The following CXXC5 variants were observed in gnomAD, a reference collection of about 807,000 sequenced individuals.
The protein encoded by CXXC5 is CXXC finger protein 5, also known as CXXC-type zinc finger protein 5.
CXXC5 carries 2 observed loss-of-function variants against 17.6 expected under a neutral mutation model. The observed-to-expected ratio is 0.11, with a 90% CI of 0.05 to 0.36. The LOEUF is 0.36. Ranked by LOEUF, CXXC5 falls within the 10% of genes least tolerant of loss-of-function variation. The pLI is 1.00. For missense variants in CXXC5, 343 were observed against 458.3 expected, an observed-to-expected ratio of 0.75 and a Z score of 2.30; for synonymous variants, 171 against 193.0, an observed-to-expected ratio of 0.89 and a Z score of 0.94.
Position 139,669,000 on chromosome 5 carries a change from A to T in CXXC5, c.-160-11364A>T, listed in dbSNP as rs1011417074. On this transcript the variant is annotated intron_variant, in intron 1 of 2. Coordinates refer to ENST00000302517, the MANE Select transcript of CXXC5 (RefSeq NM_016463.9). The surrounding 1 kb of genome is among the most constrained non-coding windows in gnomAD (Gnocchi z 4.1). The stretch of plus-strand genomic sequence containing the variant: ...GGGGGGTTGCTGAGGGGGTGGAGGT[A>T]ATGTCTGGACCTAGCAGGGCCTGCC... Among the ~76,000 whole-genome samples the T allele has an allele frequency of 6.6e-6, 1 of 151,952 alleles. No individual in the cohort carries two copies. Among genetic ancestry groups the T allele is most frequent in the African/African-American group, 2.4e-5 (1 of 41,366 alleles).
intron 1 of CXXC5, among the ~76,000 whole-genome samples, chr5:139,653,658 A>C (rs1755328346): frequency 6.6e-6 from 1 of 152,060 alleles, no homozygotes; most frequent in African/African-American, 2.4e-5. Flanking sequence ...TCCCAACCCC[A>C]AGTCTAGTGT....
At chr5:139,660,857 TC>T (rs1212696327) in intron 1 of CXXC5, among the ~76,000 whole-genome samples, 6 of 142,862 alleles carry the variant, frequency 4.2e-5, no homozygotes, top group Non-Finnish European at 9.1e-5. Context: ...AGAAATATCC[TC>T]CCCCCACCCA....
chr5:139,681,716 G>A (rs1757248896), intron 2 of CXXC5, among the ~76,000 whole-genome samples: 1 of 152,218 alleles, frequency 6.6e-6, no homozygotes, highest in Non-Finnish European at 1.5e-5. Context: ...CAGGCCCTGG[G>A]ATTCTGATTC....
rs1282573238 is a variant in CXXC5, at chr5:139,663,854, T to C, written c.-161+15009T>C. Among the ~76,000 whole-genome samples, 3 of 152,290 alleles carry C rather than the reference T, an allele frequency of 2.0e-5. No individual in the cohort carries two copies. The highest frequency in any genetic ancestry group is 1.3e-4 in the Admixed American group (2 of 15,306). ...CCAGGACCTGACGAGGTGGGGGCTG[T>C]CAGCGGCTGCATTTCACTGGCTAGG... On this transcript the variant is annotated intron_variant, in intron 1 of 2. Coordinates refer to ENST00000302517, the MANE Select transcript of CXXC5 (RefSeq NM_016463.9). The surrounding 1 kb of genome is among the most constrained non-coding windows in gnomAD (Gnocchi z 4.2).
At chr5:139,675,067 G>A (rs552380680) in intron 1 of CXXC5, among the ~76,000 whole-genome samples, 12 of 152,128 alleles carry the variant, frequency 7.9e-5, no homozygotes, top group Non-Finnish European at 1.3e-4. Flanking sequence ...CTTGTTTCAC[G>A]CTGGTTCATG....
chr5:139,680,401 C>T lies in CXXC5; in HGVS notation c.-123C>T. ...TCCACCTGGACACCTGACCATGTGC[C>T]TGCCCTGAGCAGCGAGGCCCACCAG... On this transcript the variant is annotated 5_prime_UTR_variant, in exon 2 of 3. Coordinates refer to ENST00000302517, the MANE Select transcript of CXXC5 (RefSeq NM_016463.9). 7.3e-7 allele frequency: 1 copy of T among 1,377,890 alleles called. No individual in the cohort carries two copies. Among genetic ancestry groups the T allele is most frequent in the South Asian group, 1.5e-5 (1 of 66,932 alleles). The allele number at this position is 1,377,890 out of a possible 1,614,324, so 85.4% of individuals were successfully genotyped here.
At position 139,663,859 on chromosome 5, in the gene CXXC5, G is replaced by A. The variant is rs942071591; in HGVS notation, c.-161+15014G>A. Among the ~76,000 whole-genome samples the A allele has an allele frequency of 2.0e-5, 3 of 152,186 alleles. No individual in the cohort carries two copies. Among genetic ancestry groups the A allele is most frequent in the African/African-American group, 7.2e-5 (3 of 41,446 alleles). On this transcript the variant is annotated intron_variant, in intron 1 of 2. Transcript: ENST00000302517. The surrounding 1 kb of genome is among the most constrained non-coding windows in gnomAD (Gnocchi z 4.2). ...ACCTGACGAGGTGGGGGCTGTCAGC[G>A]GCTGCATTTCACTGGCTAGGGGTTG... is the stretch of plus-strand genomic sequence containing the variant.
chr5:139,667,506 G>C (rs1440166005), intron 1 of CXXC5, among the ~76,000 whole-genome samples: 4 of 152,200 alleles, frequency 2.6e-5, no homozygotes, highest in African/African-American at 9.7e-5. Context: ...GCCCTGCAAG[G>C]TCACACAGCC....
intron 1 of CXXC5, among the ~76,000 whole-genome samples, chr5:139,656,144 C>A (rs541181559): frequency 2.0e-5 from 3 of 152,382 alleles, no homozygotes; most frequent in Admixed American, 6.5e-5. Context: ...GCGTAATGTT[C>A]GGGCACTGGG....
intron 1 of CXXC5, among the ~76,000 whole-genome samples, chr5:139,672,398 G>A (rs928369415): frequency 3.3e-5 from 5 of 152,238 alleles, no homozygotes; most frequent in Non-Finnish European, 7.3e-5. Flanking sequence ...GATTACAGGC[G>A]TGAGCCTGTA....
In CXXC5 at chr5:139,681,418, C is replaced by T. The variant is rs1757228655; in HGVS notation, c.895C>T (p.Leu299Phe). The change falls in exon 2 of 3, where the codon CTC (leucine) becomes TTC (phenylalanine). Residue 299 changes from leucine to phenylalanine, a missense_variant. Leu to Phe is a conservative substitution (Grantham distance 22). Coordinates refer to ENST00000302517, the MANE Select transcript of CXXC5 (RefSeq NM_016463.9). ...TTGCAAATTCAGAAAATGTGAGGAA[C>T]TCAAAAAGAAGCCTTCCGCTGCTCT... The part of the protein sequence containing the change: ...QICKFRKCEE[L>F]KKKPSAALEK... The T allele has an allele frequency of 6.3e-7, 1 of 1,585,246 alleles. No individual in the cohort carries two copies. Among genetic ancestry groups the T allele is most frequent in the Non-Finnish European group, 8.6e-7 (1 of 1,162,558 alleles).
intron 1 of CXXC5, among the ~76,000 whole-genome samples, chr5:139,654,455 T>G (rs987424980): frequency 2.0e-5 from 3 of 152,238 alleles, no homozygotes; most frequent in Admixed American, 2.0e-4. Context: ...CATTTTCAGA[T>G]GGACACAGAT....
At chr5:139,654,669 C>T (rs1451707069) in intron 1 of CXXC5, among the ~76,000 whole-genome samples, 1 of 152,242 alleles carries the variant, frequency 6.6e-6, no homozygotes, top group Non-Finnish European at 1.5e-5. Context: ...TTCTCTTCCT[C>T]ATCTGTAAAA....
At position 139,670,334 on chromosome 5, in the gene CXXC5, G is replaced by T. The variant is rs1399716122; in HGVS notation, c.-160-10030G>T. On this transcript the variant is annotated intron_variant, in intron 1 of 2. Transcript: ENST00000302517. The surrounding 1 kb of genome is among the most constrained non-coding windows in gnomAD (Gnocchi z 4.2). Reference sequence around the variant, plus strand: ...GGACCTTGAACAGCAGACAAGACAGGTGTCCCCCTTAGAGCTGGGACAGAT... The same window carrying T: ...GGACCTTGAACAGCAGACAAGACAGTTGTCCCCCTTAGAGCTGGGACAGAT... Among the ~76,000 whole-genome samples the T allele has an allele frequency of 2.0e-5, 3 of 152,210 alleles. No homozygotes were observed.
intron 1 of CXXC5, among the ~76,000 whole-genome samples, chr5:139,662,633 G>A (rs1159594359): frequency 2.0e-5 from 3 of 152,154 alleles, no homozygotes; most frequent in Admixed American, 1.3e-4. Context: ...CCTCCTCCTG[G>A]CCACACAGTT....
At position 139,681,141 on chromosome 5, in the gene CXXC5, C is replaced by T. The variant is rs373699733; in HGVS notation, c.618C>T (p.Ser206=). ...GTGCCGAAGCCCTCAATGGCCAGTC[C>T]GACTTCCCCTACCTGGGCGCTTTCC... The part of the protein sequence containing the change: ...VAGAEALNGQ[S]DFPYLGAFPI... Residue 206 remains serine (S), a synonymous_variant, in exon 2 of 3, where the codon TCC becomes TCT. Coordinates refer to ENST00000302517, the MANE Select transcript of CXXC5 (RefSeq NM_016463.9). 211 of 1,612,748 alleles carry T rather than the reference C, an allele frequency of 1.3e-4. No individual in the cohort carries two copies. Among genetic ancestry groups the T allele is most frequent in the South Asian group, 2.3e-4 (21 of 91,088 alleles).
intron 2 of CXXC5, among the ~76,000 whole-genome samples, chr5:139,682,449 G>A (rs1757294507): frequency 6.6e-6 from 1 of 151,722 alleles, no homozygotes; most frequent in African/African-American, 2.4e-5. Context: ...GGCCGCTTGA[G>A]AAATAGCTCA....
intron 1 of CXXC5, among the ~76,000 whole-genome samples, chr5:139,671,032 C>T (rs1160963472): frequency 1.3e-5 from 2 of 152,200 alleles, no homozygotes; most frequent in African/African-American, 4.8e-5. Flanking sequence ...GGCTTTTGTC[C>T]CCCGAAATAC....
chr5:139,675,516 A>G (rs1263064755), intron 1 of CXXC5: 2 of 152,158 alleles, frequency 1.3e-5, no homozygotes, highest in Non-Finnish European at 2.9e-5. Context: ...CTTGCCCCCA[A>G]CCACGGAGAG....
Sources: allele counts gnomAD v4.1 joint callset (sites outside exome capture counted in the v4.1 genomes callset), GRCh38; gene constraint gnomAD v4.1.1; non-coding constraint Gnocchi (gnomAD v3.1); transcripts MANE v1.5; gene names NCBI Gene and HGNC (gene_info 2026-07-23, HGNC 2026-07-21).